Variants in DOCK9 observed in about 807,000 individuals in gnomAD.
The protein encoded by DOCK9 is dedicator of cytokinesis 9.
A neutral mutation model predicts 263.3 loss-of-function variants in DOCK9; 89 were observed. The ratio of observed to expected loss-of-function variants is 0.34; its 90% CI spans 0.28 to 0.40. DOCK9 has a LOEUF of 0.40. Ranked by LOEUF, DOCK9 falls within the 10% of genes least tolerant of loss-of-function variation. DOCK9 has a pLI of 1.00. For missense variants in DOCK9, 2,140 were observed against 2,603.4 expected, an observed-to-expected ratio of 0.82 and a Z score of 3.87; for synonymous variants, 976 against 973.1, an observed-to-expected ratio of 1.00 and a Z score of -0.06.
intron 9 of DOCK9, among the ~76,000 whole-genome samples, chr13:98,907,552 C>T (rs1278186537): frequency 1.3e-5 from 2 of 152,204 alleles, no homozygotes; most frequent in African/African-American, 4.8e-5. Context: ...TTGTCACTAA[C>T]ACCCAACAGA....
intron 32 of DOCK9, among the ~76,000 whole-genome samples, chr13:98,862,356 TG>T (rs1032990298): frequency 2.0e-5 from 3 of 152,172 alleles, no homozygotes; most frequent in Admixed American, 1.3e-4. Context: ...GAGGTTATAC[TG>T]GGTGAACCCT....
intron 2 of DOCK9, 63 bp downstream of exon 2, chr13:98,955,372 G>A (rs541767075): frequency 1.8e-6 from 2 of 1,125,024 alleles, no homozygotes; most frequent in South Asian, 3.3e-5. Context: ...TCAATACATA[G>A]AAAAATACTG....
At chr13:98,983,446 G>C (rs1474927024) in intron 1 of DOCK9, among the ~76,000 whole-genome samples, 1 of 152,086 alleles carries the variant, frequency 6.6e-6, no homozygotes, top group Non-Finnish European at 1.5e-5. Context: ...AGGCAGGAAA[G>C]AGCCAGCGAG....
At chr13:98,917,809 G>A (rs1234992278) in intron 7 of DOCK9, among the ~76,000 whole-genome samples, 1 of 152,064 alleles carries the variant, frequency 6.6e-6, no homozygotes, top group African/African-American at 2.4e-5. Flanking sequence ...CTCAAATTCT[G>A]TATTTCTTGC....
intron 1 of DOCK9, among the ~76,000 whole-genome samples, chr13:99,011,152 C>T (rs1195175414): frequency 2.6e-5 from 4 of 152,242 alleles, no homozygotes; most frequent in African/African-American, 7.2e-5. Context: ...CCACTTCGGC[C>T]TCCCAAGGTG....
Position 98,807,824 on chromosome 13 carries a change from A to G in DOCK9, c.5368-17T>C, listed in dbSNP as rs1449023444. On this transcript the variant is annotated splice_polypyrimidine_tract_variant and intron_variant, in intron 47 of 52. Coordinates refer to ENST00000682017, the MANE Select transcript of DOCK9 (RefSeq NM_001366683.2). ...AAAGAATCCCTGTGACATAAAGCAC[A>G]ATTAGAGCTATCCCTGAACGTAAGC... 1 of 1,599,186 alleles carries G rather than the reference A, an allele frequency of 6.3e-7. No homozygotes were observed. Among genetic ancestry groups the G allele is most frequent in the Admixed American group, 1.7e-5 (1 of 59,768 alleles).
At chr13:98,986,161 C>T (rs1353104666) in intron 1 of DOCK9, among the ~76,000 whole-genome samples, 1 of 152,224 alleles carries the variant, frequency 6.6e-6, no homozygotes, top group Admixed American at 6.5e-5. Context: ...TAGCGGAAAA[C>T]ACAAATTGCC....
chr13:98,952,389 C>T (rs2057540565), intron 2 of DOCK9, among the ~76,000 whole-genome samples: 1 of 152,054 alleles, frequency 6.6e-6, no homozygotes, highest in African/African-American at 2.4e-5. Context: ...GCATGCACCA[C>T]CATGCCTGGC....
chr13:98,901,726 G>A, intron 13 of DOCK9, 52 bp downstream of exon 13: 2 of 1,587,596 alleles, frequency 1.3e-6, no homozygotes, highest in South Asian at 2.3e-5. Flanking sequence ...TCACATAAAG[G>A]CCTCTTTTCA....
intron 1 of DOCK9, chr13:99,086,104 G>A (rs1596073975): frequency 5.3e-6 from 7 of 1,326,540 alleles, no homozygotes; most frequent in Non-Finnish European, 6.7e-6. Flanking sequence ...TGATTCCGCG[G>A]ACCCAGCAGG....
At chr13:98,927,304 C>G (rs1374410503) in intron 3 of DOCK9, among the ~76,000 whole-genome samples, 2 of 152,206 alleles carry the variant, frequency 1.3e-5, no homozygotes, top group African/African-American at 4.8e-5. Context: ...CTCAAAATTT[C>G]ATTCCAAAAC....
chr13:98,911,874 C>CATTTT (rs2050106189), intron 9 of DOCK9, among the ~76,000 whole-genome samples: 1 of 142,106 alleles, frequency 7.0e-6, no homozygotes, highest in Non-Finnish European at 1.5e-5. Flanking sequence ...TAAAAAAACA[C>CATTTT]TTTTTTTTTT....
At chr13:98,866,118 C>G (rs1436222249) in intron 30 of DOCK9, among the ~76,000 whole-genome samples, 1 of 152,106 alleles carries the variant, frequency 6.6e-6, no homozygotes, top group Non-Finnish European at 1.5e-5. Flanking sequence ...ATCTGGCCAC[C>G]CTGTCTCAAA....
intron 18 of DOCK9, 63 bp from the exon 19 acceptor site, chr13:98,886,687 T>A: frequency 6.8e-7 from 1 of 1,461,246 alleles, no homozygotes; most frequent in East Asian, 2.3e-5. Flanking sequence ...TAAACTTGGA[T>A]ATATCGTAAA....
chr13:98,793,759 T>C lies in DOCK9; in HGVS notation c.*867A>G, dbSNP rs571936264. On this transcript the variant is annotated 3_prime_UTR_variant, in exon 53 of 53. Coordinates refer to ENST00000682017, the MANE Select transcript of DOCK9 (RefSeq NM_001366683.2). Reference sequence around the variant, plus strand: ...TATAAACCTAATATAGTAAAGACTGTATACATCTCCATATTGCACATTTTT... The same window carrying C: ...TATAAACCTAATATAGTAAAGACTGCATACATCTCCATATTGCACATTTTT... 6.5e-6 allele frequency: 1 copy of C among 152,788 alleles called. No individual in the cohort carries two copies. The highest frequency in any genetic ancestry group is 2.1e-4 in the South Asian group (1 of 4,822). 9.5% of individuals were successfully genotyped at this position (152,788 alleles called of 1,614,324 possible).
intron 27 of DOCK9, among the ~76,000 whole-genome samples, chr13:98,871,524 C>T (rs1345971584): frequency 1.3e-5 from 2 of 152,138 alleles, no homozygotes; most frequent in Non-Finnish European, 2.9e-5. Flanking sequence ...AGTCTTTTTA[C>T]GAGGTATCAT....
intron 29 of DOCK9, 83 bp downstream of exon 29, chr13:98,867,845 T>TAA (rs550131112): frequency 1.6e-4 from 162 of 1,007,650 alleles, no homozygotes; most frequent in African/African-American, 2.4e-4. Flanking sequence ...GGCAGAGCTT[T>TAA]AAAAAAAAAA....
chr13:98,978,486 T>C (rs1022657407), upstream of DOCK9, among the ~76,000 whole-genome samples: 1 of 152,188 alleles, frequency 6.6e-6, no homozygotes, highest in Non-Finnish European at 1.5e-5. Context: ...CTGCACCTCG[T>C]GGATACAGGT....
At chr13:99,086,180 GC>G in intron 1 of DOCK9, 2 of 1,455,598 alleles carry the variant, frequency 1.4e-6, no homozygotes, top group South Asian at 1.3e-5. Context: ...AGCTGCCTGC[GC>G]CCCCGCCATC....
Sources: gnomAD v4.1 joint callset for allele counts (sites outside exome capture counted in the v4.1 genomes callset) on GRCh38, gnomAD v4.1.1 for gene constraint, MANE v1.5 for transcripts, NCBI Gene and HGNC (gene_info 2026-07-23, HGNC 2026-07-21) for gene names.